Variants in RBMS3 observed in about 807,000 individuals in gnomAD.
RBMS3 encodes RNA-binding motif, single-stranded-interacting protein 3.
RBMS3 carries 27 observed loss-of-function variants against 66.8 expected under a neutral mutation model. That is an observed-to-expected ratio of 0.40 (90% CI 0.30 to 0.56). RBMS3 has a LOEUF of 0.56. Among genes scored for constraint, RBMS3 ranks in the 20% least tolerant of loss-of-function variants. The pLI, the probability that RBMS3 is intolerant of heterozygous loss-of-function variation, is 0.40. For missense variants in RBMS3, 513 were observed against 549.5 expected (o/e 0.93, Z 0.66); for synonymous variants, 188 against 183.0 (o/e 1.03, Z -0.22).
chr3:29,753,607 A>G (rs2055278129), intron 5 of RBMS3, among the ~76,000 whole-genome samples: 1 of 152,234 alleles, frequency 6.6e-6, no homozygotes, highest in Non-Finnish European at 1.5e-5. Flanking sequence ...CATTGCACAC[A>G]CAAAATTCAA....
intron 6 of RBMS3, among the ~76,000 whole-genome samples, chr3:29,843,968 A>G (rs961294415): frequency 8.6e-5 from 13 of 151,702 alleles, no homozygotes; most frequent in Non-Finnish European, 1.8e-4. Context: ...AAAAAAAAAA[A>G]GGTTGCTTTC....
chr3:29,283,002 G>C (rs1180520674), intron 1 of RBMS3, among the ~76,000 whole-genome samples: 1 of 152,030 alleles, frequency 6.6e-6, no homozygotes, highest in South Asian at 2.1e-4. Flanking sequence ...TTGCCTTTGT[G>C]AGCATTTAGT....
intron 1 of RBMS3, among the ~76,000 whole-genome samples, chr3:29,304,974 A>G (rs996475843): frequency 3.3e-5 from 5 of 151,898 alleles, no homozygotes; most frequent in African/African-American, 1.2e-4. Flanking sequence ...GTTTGCTCTT[A>G]CCAACTATCT....
intron 4 of RBMS3, among the ~76,000 whole-genome samples, chr3:29,619,697 C>T (rs995219388): frequency 6.6e-6 from 1 of 152,122 alleles, no homozygotes; most frequent in African/African-American, 2.4e-5. Context: ...GTTGAACATT[C>T]CAAAATTTCT....
intron 6 of RBMS3, among the ~76,000 whole-genome samples, chr3:29,865,701 C>T (rs865841352): frequency 6.6e-6 from 1 of 152,116 alleles, no homozygotes; most frequent in Non-Finnish European, 1.5e-5. Context: ...CAATCAAGTT[C>T]GATCTCATGC....
intron 4 of RBMS3, among the ~76,000 whole-genome samples, chr3:29,670,595 G>T (rs1237948172): frequency 6.6e-6 from 1 of 152,224 alleles, no homozygotes; most frequent in Non-Finnish European, 1.5e-5. Context: ...GGCACACCAG[G>T]AGATTATATC....
intron 1 of RBMS3, among the ~76,000 whole-genome samples, chr3:29,335,670 G>A (rs1359407874): frequency 6.6e-6 from 1 of 152,138 alleles, no homozygotes; most frequent in East Asian, 1.9e-4. Context: ...CCCAGTGTAC[G>A]GCGTCTGTCA....
intron 3 of RBMS3, among the ~76,000 whole-genome samples, chr3:29,533,024 A>T (rs1020587140): frequency 3.9e-5 from 6 of 152,062 alleles, no homozygotes; most frequent in Non-Finnish European, 8.8e-5. Flanking sequence ...TTTCTCTCAC[A>T]TGCCTTTATC....
chr3:29,921,658 G>T (rs186299718), intron 10 of RBMS3, among the ~76,000 whole-genome samples: 2 of 152,092 alleles, frequency 1.3e-5, no homozygotes, highest in African/African-American at 2.4e-5. Context: ...AGGAATTACC[G>T]AAATGTAATT....
At chr3:29,414,869 C>G (rs183087006) in intron 1 of RBMS3, among the ~76,000 whole-genome samples, 4 of 152,296 alleles carry the variant, frequency 2.6e-5, no homozygotes, top group Non-Finnish European at 4.4e-5. Context: ...GAGCAATTAT[C>G]CCATGAGTAG....
At position 29,469,141 on chromosome 3, in the gene RBMS3, A is replaced by T. The variant is rs116280934; in HGVS notation, c.249-19300A>T. Among the ~76,000 whole-genome samples the T allele has an allele frequency of 3.7e-3, 560 of 152,246 alleles. 3 individuals are homozygous for T. Among genetic ancestry groups the T allele is most frequent in the African/African-American group, 0.013 (537 of 41,574 alleles). On this transcript the variant is annotated intron_variant, in intron 2 of 14. Transcript: ENST00000383767. ...ATGCCTAATTTAGATTTGTCCATCAAGTTTCATTAATGCATTATTTATTAT... is the reference window on the plus strand; with the variant it reads ...ATGCCTAATTTAGATTTGTCCATCATGTTTCATTAATGCATTATTTATTAT...
chr3:29,901,437 T>G (rs1055445031), intron 10 of RBMS3, among the ~76,000 whole-genome samples: 5 of 151,748 alleles, frequency 3.3e-5, no homozygotes, highest in African/African-American at 9.7e-5. Context: ...AATCTGAATA[T>G]TTTACCAGAT....
chr3:29,482,056 T>C (rs1315443075), intron 2 of RBMS3, among the ~76,000 whole-genome samples: 1 of 152,190 alleles, frequency 6.6e-6, no homozygotes, highest in Admixed American at 6.5e-5. Flanking sequence ...TTCAAGTCTA[T>C]ATTAATTGAT....
chr3:29,599,472 A>T (rs1420561581), intron 4 of RBMS3, among the ~76,000 whole-genome samples: 1 of 152,058 alleles, frequency 6.6e-6, no homozygotes, highest in African/African-American at 2.4e-5. Context: ...CAGTGAGTAC[A>T]TCATCCAGAA....
chr3:29,846,338 A>G (rs1321016585), intron 6 of RBMS3, among the ~76,000 whole-genome samples: 6 of 152,142 alleles, frequency 3.9e-5, no homozygotes, highest in African/African-American at 1.4e-4. Context: ...TATTTTGAAT[A>G]AGGTAGGTAA....
intron 6 of RBMS3, among the ~76,000 whole-genome samples, chr3:29,837,553 T>C (rs1400849636): frequency 1.3e-5 from 2 of 150,818 alleles, no homozygotes; most frequent in Admixed American, 6.6e-5. Context: ...TCCCCGTCTG[T>C]ATTGAGCTGC....
intron 13 of RBMS3, 25 bp from the exon 14 acceptor site, chr3:29,991,057 T>G: frequency 1.2e-6 from 2 of 1,611,070 alleles, no homozygotes; most frequent in Non-Finnish European, 1.7e-6. Context: ...AAGTAAGGCT[T>G]TTATGTTCTT....
intron 4 of RBMS3, among the ~76,000 whole-genome samples, chr3:29,659,219 G>A (rs990534448): frequency 1.3e-5 from 2 of 151,946 alleles, no homozygotes; most frequent in African/African-American, 4.8e-5. Flanking sequence ...TTTTATATTG[G>A]TAAAATATAA....
chr3:29,383,891 T>G (rs1335878021), intron 1 of RBMS3, among the ~76,000 whole-genome samples: 2 of 152,232 alleles, frequency 1.3e-5, no homozygotes, highest in East Asian at 3.8e-4. Flanking sequence ...TTATAAAGAT[T>G]GAAAAGGCAA....
Sources: allele counts gnomAD v4.1 joint callset (sites outside exome capture counted in the v4.1 genomes callset), GRCh38; gene constraint gnomAD v4.1.1; transcripts MANE v1.5; gene names NCBI Gene and HGNC (gene_info 2026-07-23, HGNC 2026-07-21).